SEMA6D: variants seen among roughly 807,000 people sequenced by gnomAD.
SEMA6D encodes semaphorin-6D.
Under a neutral mutation model 106.6 loss-of-function variants are expected in SEMA6D, and 35 were observed. The ratio of observed to expected loss-of-function variants is 0.33; its 90% CI spans 0.25 to 0.44. The LOEUF (loss-of-function observed/expected upper bound fraction) is 0.44. Among genes scored for constraint, SEMA6D ranks in the 20% least tolerant of loss-of-function variants. SEMA6D has a pLI of 1.00. For missense variants in SEMA6D, 1,185 were observed against 1,345.9 expected, an observed-to-expected ratio of 0.88 and a Z score of 1.87; for synonymous variants, 499 against 487.7, an observed-to-expected ratio of 1.02 and a Z score of -0.31.
In SEMA6D at chr15:47,763,807, C is replaced by T. The variant is rs2147789438; in HGVS notation, c.748-43C>T. ...AGTATCATTTTGTTTCCATTCCTTT[C>T]CATGCTCATAACCCCATTGCTTTGC... is the stretch of plus-strand genomic sequence containing the variant. On this transcript the variant is annotated intron_variant, in intron 9 of 18. Coordinates refer to ENST00000536845, the MANE Select transcript of SEMA6D (RefSeq NM_001358351.3). The T allele has an allele frequency of 2.0e-6, 3 of 1,534,712 alleles. No homozygotes were observed. The East Asian group carries it at 6.8e-5, about 35-fold the overall frequency.
At chr15:47,699,318 C>A (rs4775703) in intron 4 of SEMA6D, among the ~76,000 whole-genome samples, 4 of 151,896 alleles carry the variant, frequency 2.6e-5, no homozygotes, top group Non-Finnish European at 5.9e-5. Context: ...AGTACTTTGC[C>A]CTTGCTATTT....
intron 3 of SEMA6D, among the ~76,000 whole-genome samples, chr15:47,489,657 ATT>A (rs796081859): frequency 6.9e-6 from 1 of 144,680 alleles, no homozygotes. Flanking sequence ...CTACTTGCAC[ATT>A]TTTTTTTTTT....
chr15:47,307,069 CT>C (rs1489779010), intron 1 of SEMA6D, among the ~76,000 whole-genome samples: 1 of 152,180 alleles, frequency 6.6e-6, no homozygotes, highest in Admixed American at 6.5e-5. Context: ...TTTAAATTCT[CT>C]GTGCATCATT....
intron 15 of SEMA6D, 71 bp from the exon 16 acceptor site, chr15:47,766,545 C>G (rs1233147781): frequency 7.2e-7 from 1 of 1,392,136 alleles, no homozygotes; most frequent in African/African-American, 1.4e-5. Context: ...GTTCTTGGTT[C>G]TGCTCTGGTT....
chr15:47,250,219 T>G (rs1169635485), intron 1 of SEMA6D, among the ~76,000 whole-genome samples: 1 of 152,052 alleles, frequency 6.6e-6, no homozygotes, highest in East Asian at 1.9e-4. Context: ...CTATGATATA[T>G]CTATTAACGG....
chr15:47,540,660 G>A (rs1354880769), intron 3 of SEMA6D, among the ~76,000 whole-genome samples: 1 of 152,160 alleles, frequency 6.6e-6, no homozygotes, highest in African/African-American at 2.4e-5. Flanking sequence ...TGGCCTCAGG[G>A]AGTGCACCAT....
intron 1 of SEMA6D, among the ~76,000 whole-genome samples, chr15:47,749,752 T>C (rs1259612813): frequency 6.6e-6 from 1 of 152,208 alleles, no homozygotes; most frequent in East Asian, 1.9e-4. Flanking sequence ...ACGTGTGATC[T>C]GGGATTAGTG....
chr15:47,537,358 C>A (rs8040170), intron 3 of SEMA6D, among the ~76,000 whole-genome samples: 331 of 152,204 alleles, frequency 2.2e-3, no homozygotes, highest in African/African-American at 7.8e-3. Flanking sequence ...AGTCAGGAAA[C>A]GTGGTAAATA....
intron 1 of SEMA6D, among the ~76,000 whole-genome samples, chr15:47,729,931 C>T (rs1049919862): frequency 3.3e-5 from 5 of 152,152 alleles, no homozygotes; most frequent in African/African-American, 9.7e-5. Flanking sequence ...CAAGGACTGG[C>T]CTTGCTAGCC....
chr15:47,274,528 A>G (rs1305799383), intron 1 of SEMA6D, among the ~76,000 whole-genome samples: 2 of 152,178 alleles, frequency 1.3e-5, no homozygotes, highest in Non-Finnish European at 2.9e-5. Context: ...AATGATAGAG[A>G]AATCGAAATA....
intron 1 of SEMA6D, among the ~76,000 whole-genome samples, chr15:47,247,724 T>C (rs1304548394): frequency 1.3e-5 from 2 of 152,218 alleles, no homozygotes; most frequent in Non-Finnish European, 2.9e-5. Flanking sequence ...CTAGTCTTTG[T>C]GCATGTGTGT....
At chr15:47,186,522 C>T (rs978894793) in intron 1 of SEMA6D, among the ~76,000 whole-genome samples, 19 of 71,044 alleles carry the variant, frequency 2.7e-4, no homozygotes, top group African/African-American at 8.2e-4. Flanking sequence ...TAGCAGCATT[C>T]GTACCTCTTT....
At chr15:47,307,510 T>C (rs2036276000) in intron 1 of SEMA6D, among the ~76,000 whole-genome samples, 1 of 152,192 alleles carries the variant, frequency 6.6e-6, no homozygotes, top group Non-Finnish European at 1.5e-5. Flanking sequence ...CTCAGCCCAA[T>C]TAACAGATGA....
rs549604553 is a variant in SEMA6D at position 47,280,339 on chromosome 15, T to C, written c.-239+95921T>C. The stretch of plus-strand genomic sequence containing the variant: ...TAGAGGTGTTTGTAGTATTCTCTGA[T>C]GGTAGTTTGTATTTCTGTGGGATCG... On this transcript the variant is annotated intron_variant, in intron 1 of 19. Coordinates refer to the SEMA6D transcript ENST00000558014. Among the ~76,000 whole-genome samples, 21 of 151,864 alleles carry C rather than the reference T, an allele frequency of 1.4e-4. No individual in the cohort carries two copies. The South Asian group carries it at 3.5e-3, about 26-fold the overall frequency.
At chr15:47,606,269 G>T (rs1263872237) in intron 4 of SEMA6D, 1 of 152,166 alleles carries the variant, frequency 6.6e-6, no homozygotes, top group Non-Finnish European at 1.5e-5. Flanking sequence ...TTTGGATGGG[G>T]CTCTCTGGGT....
intron 1 of SEMA6D, among the ~76,000 whole-genome samples, chr15:47,308,317 T>A (rs771101432): frequency 6.6e-6 from 1 of 152,164 alleles, no homozygotes; most frequent in African/African-American, 2.4e-5. Flanking sequence ...TTTCCTTATA[T>A]GCCAAATGGG....
At chr15:47,685,745 C>T (rs2078454403) in intron 4 of SEMA6D, among the ~76,000 whole-genome samples, 1 of 152,146 alleles carries the variant, frequency 6.6e-6, no homozygotes, top group African/African-American at 2.4e-5. Flanking sequence ...ATCCTGGAGA[C>T]AGGTTGAATC....
intron 1 of SEMA6D, among the ~76,000 whole-genome samples, chr15:47,727,203 C>T (rs775279160): frequency 6.6e-6 from 1 of 152,168 alleles, no homozygotes; most frequent in African/African-American, 2.4e-5. Context: ...CCATCTCTGT[C>T]GTCACGCACA....
chr15:47,383,882 G>T (rs999850025), intron 1 of SEMA6D, among the ~76,000 whole-genome samples: 3 of 152,140 alleles, frequency 2.0e-5, no homozygotes, highest in African/African-American at 7.2e-5. Context: ...ATTGTTCATT[G>T]TTCTCAAAAG....
Sources: allele counts gnomAD v4.1 joint callset (sites outside exome capture counted in the v4.1 genomes callset), GRCh38; gene constraint gnomAD v4.1.1; transcripts MANE v1.5; gene names NCBI Gene and HGNC (gene_info 2026-07-23, HGNC 2026-07-21).